Variants in CAMTA1 observed in about 807,000 individuals in gnomAD.
CAMTA1 encodes calmodulin-binding transcription activator 1.
Under a neutral mutation model 170.9 loss-of-function variants are expected in CAMTA1, and 27 were observed. That is an observed-to-expected ratio of 0.16 (90% confidence interval 0.12 to 0.22). The LOEUF is 0.22. Among genes scored for constraint, CAMTA1 ranks in the 10% least tolerant of loss-of-function variants. The pLI, the probability that CAMTA1 is intolerant of heterozygous loss-of-function variation, is 1.00. For synonymous variants in CAMTA1, 833 were observed against 891.5 expected (o/e 0.93, Z 1.17); for missense variants, 1,619 against 2,217.2 (o/e 0.73, Z 5.42).
chr1:7,717,803 C>G (rs968298363), intron 11 of CAMTA1, among the ~76,000 whole-genome samples: 14 of 152,194 alleles, frequency 9.2e-5, no homozygotes, highest in African/African-American at 3.4e-4. Flanking sequence ...CTTTTAATAA[C>G]TTGGCTGAAA....
chr1:7,666,143 T>C (rs2095999537), intron 9 of CAMTA1, among the ~76,000 whole-genome samples: 1 of 149,978 alleles, frequency 6.7e-6, no homozygotes, highest in Non-Finnish European at 1.5e-5. Flanking sequence ...CACTCCAGCC[T>C]GGGCGACAAG....
chr1:7,767,777 C>T lies in CAMTA1; in HGVS notation c.*1286C>T, dbSNP rs1436202619. On this transcript the variant is annotated 3_prime_UTR_variant, in exon 23 of 23. Transcript: ENST00000303635. ...AAAATGAAACAAAAAAACTTTATTT[C>T]ACTATAAGAGTACTTTATTTTAAAT... is the stretch of plus-strand genomic sequence containing the variant. 1 of 148,982 alleles carries T rather than the reference C, an allele frequency of 6.7e-6. No homozygotes were observed. Among genetic ancestry groups the T allele is most frequent in the Non-Finnish European group, 1.5e-5 (1 of 67,492 alleles). The allele number at this position is 148,982 out of a possible 1,614,324, so 9.2% of individuals were successfully genotyped here. A position where few individuals can be genotyped will look rare whatever the true frequency, so the allele number is the denominator to read the frequency against.
At position 7,664,483 on chromosome 1, in the gene CAMTA1, A is replaced by G. The variant is rs974998306; in HGVS notation, c.1936A>G (p.Thr646Ala). The change falls in exon 9 of 23, where the codon ACG becomes GCG. Residue 646 changes from threonine to alanine, a missense_variant. Thr to Ala is a moderately conservative substitution (Grantham distance 58). Transcript: ENST00000303635. ...SDSGGTFVMP[T>A]VKTEASSQTS... ...CTCTGGGGGCACCTTCGTGATGCCC[A>G]CGGTGAAAACGGAGGCCTCGTCCCA... 2 of 1,613,180 alleles carry G rather than the reference A, an allele frequency of 1.2e-6. No individual in the cohort carries two copies. The highest frequency in any genetic ancestry group is 2.7e-5 in the African/African-American group (2 of 74,922).
At chr1:7,184,082 C>T (rs1652767029) in intron 4 of CAMTA1, among the ~76,000 whole-genome samples, 1 of 152,154 alleles carries the variant, frequency 6.6e-6, no homozygotes, top group Admixed American at 6.5e-5. Flanking sequence ...TTTGCAACAA[C>T]ATGGATGGAA....
At chr1:7,414,914 C>T (rs913745438) in intron 5 of CAMTA1, among the ~76,000 whole-genome samples, 2 of 151,978 alleles carry the variant, frequency 1.3e-5, no homozygotes, top group African/African-American at 4.8e-5. Flanking sequence ...AAATTTCCCT[C>T]TACACACTGC....
At chr1:7,055,610 T>A (rs575708367) in intron 3 of CAMTA1, among the ~76,000 whole-genome samples, 98 of 152,358 alleles carry the variant, frequency 6.4e-4, no homozygotes, top group African/African-American at 2.2e-3. Flanking sequence ...GAAGTGACAG[T>A]GGCCTGGATG....
At chr1:6,810,050 G>C (rs970366080) in intron 1 of CAMTA1, among the ~76,000 whole-genome samples, 9 of 152,208 alleles carry the variant, frequency 5.9e-5, no homozygotes, top group African/African-American at 1.9e-4. Context: ...GAGTGTATTA[G>C]TTATCTATAG....
chr1:7,017,969 GTT>G (rs148191422), intron 3 of CAMTA1, among the ~76,000 whole-genome samples: 2 of 147,826 alleles, frequency 1.4e-5, no homozygotes, highest in African/African-American at 5.0e-5. Flanking sequence ...AAGGTTTTTT[GTT>G]TTTTTTTTTC....
In CAMTA1 at chr1:7,635,480, G is replaced by A. The variant is rs370092053; in HGVS notation, c.511-4920G>A. On this transcript the variant is annotated intron_variant, in intron 6 of 22. Coordinates refer to ENST00000303635, the MANE Select transcript of CAMTA1 (RefSeq NM_015215.4). This position sits in a 1 kb window ranked among gnomAD's most constrained non-coding sequence, Gnocchi z 4.4. ...AACAATTAGCGGGGCACTGTGGCGG[G>A]CGCCTGTACTCCCAGCTACTCCAGA... Among the ~76,000 whole-genome samples the A allele has an allele frequency of 2.0e-5, 3 of 152,102 alleles. No individual in the cohort carries two copies. The South Asian group carries it at 6.2e-4, about 32-fold the overall frequency.
chr1:7,203,996 TA>T (rs201480205), intron 4 of CAMTA1, among the ~76,000 whole-genome samples: 7,877 of 150,406 alleles, frequency 0.052, 636 homozygotes, highest in African/African-American at 0.18. Context: ...CATGCCCGGC[TA>T]ATTTTTTTTT....
At chr1:7,078,041 T>G (rs1044779923) in intron 3 of CAMTA1, among the ~76,000 whole-genome samples, 8 of 152,150 alleles carry the variant, frequency 5.3e-5, no homozygotes, top group Non-Finnish European at 1.2e-4. Context: ...CCTGATTTAT[T>G]TAGCCATGGA....
chr1:7,288,868 A>G (rs1001867788), intron 5 of CAMTA1, among the ~76,000 whole-genome samples: 6 of 152,188 alleles, frequency 3.9e-5, no homozygotes, highest in Admixed American at 3.3e-4. Flanking sequence ...GGATGAGTCT[A>G]TTAGTCTGTT....
chr1:7,196,291 C>T (rs747584299), intron 4 of CAMTA1, among the ~76,000 whole-genome samples: 36 of 152,176 alleles, frequency 2.4e-4, no homozygotes, highest in Non-Finnish European at 3.5e-4. Context: ...TGAGGCCTCC[C>T]AGTCTGTGAA....
chr1:7,434,217 C>T (rs752015439), intron 5 of CAMTA1, among the ~76,000 whole-genome samples: 91 of 152,206 alleles, frequency 6.0e-4, no homozygotes, highest in Non-Finnish European at 1.1e-3. Context: ...ACTCTCTGCT[C>T]TTTCCCAAGG....
chr1:7,003,897 G>A (rs1311346812), intron 3 of CAMTA1, among the ~76,000 whole-genome samples: 1 of 152,212 alleles, frequency 6.6e-6, no homozygotes, highest in African/African-American at 2.4e-5. Context: ...TGTCAGACAA[G>A]AGATTATTCA....
At chr1:7,351,823 G>A (rs951011045) in intron 5 of CAMTA1, among the ~76,000 whole-genome samples, 7 of 152,218 alleles carry the variant, frequency 4.6e-5, no homozygotes. Flanking sequence ...AGTATATTAT[G>A]TGGGCTTGAC....
intron 3 of CAMTA1, among the ~76,000 whole-genome samples, chr1:7,027,252 C>G (rs905692413): frequency 6.6e-6 from 1 of 152,168 alleles, no homozygotes; most frequent in Non-Finnish European, 1.5e-5. Context: ...ACATCACTCA[C>G]TAGCTGCTGA....
In CAMTA1 at chr1:7,664,062, C is replaced by T. The variant is rs1415582712; in HGVS notation, c.1515C>T (p.Ala505=). The T allele has an allele frequency of 5.0e-6, 8 of 1,613,680 alleles. No homozygotes were observed. The Admixed American group carries it at 8.3e-5, about 17-fold the overall frequency. Reference sequence around the variant, plus strand: ...CGTACGGGGGTGGAGGCCTGAAAGCCGAGATGGTCAGCTCCAACATCCGGC... The same window carrying T: ...CGTACGGGGGTGGAGGCCTGAAAGCTGAGATGGTCAGCTCCAACATCCGGC... The part of the protein sequence containing the change: ...GQTYGGGGLK[A]EMVSSNIRHS... The change falls in exon 9 of 23, where the codon GCC becomes GCT. Residue 505 remains alanine, a synonymous_variant. Transcript: ENST00000303635.
At chr1:7,398,187 CTCTCTCTATATATATATATATATATATA>C (rs1179092745) in intron 5 of CAMTA1, among the ~76,000 whole-genome samples, 17 of 38,230 alleles carry the variant, frequency 4.4e-4, no homozygotes, top group African/African-American at 1.4e-3. Flanking sequence ...CTCTCTCTCT[CTCTCTCTATATATATATATATATATATA>C]TATATATATA....
Sources: allele counts gnomAD v4.1 joint callset (sites outside exome capture counted in the v4.1 genomes callset), GRCh38; gene constraint gnomAD v4.1.1; non-coding constraint Gnocchi (gnomAD v3.1); transcripts MANE v1.5; gene names NCBI Gene and HGNC (gene_info 2026-07-23, HGNC 2026-07-21).